The following SLC4A7 variants were observed in gnomAD, a reference collection of about 807,000 sequenced individuals.
The protein encoded by SLC4A7 is sodium bicarbonate cotransporter 3.
SLC4A7 carries 51 observed loss-of-function variants against 137.6 expected under a neutral mutation model. The observed-to-expected ratio is 0.37, with a 90% CI of 0.30 to 0.47. The LOEUF is 0.47. SLC4A7 is among the 20% of genes least tolerant of loss of function. The pLI is 1.00. For synonymous variants in SLC4A7, 542 were observed against 518.6 expected, an observed-to-expected ratio of 1.05 and a Z score of -0.61; for missense variants, 1,247 against 1,525.4, an observed-to-expected ratio of 0.82 and a Z score of 3.04.
chr3:27,405,040 C>A, intron 13 of SLC4A7, 77 bp from the exon 14 acceptor site: 1 of 979,544 alleles, frequency 1.0e-6, no homozygotes, highest in Non-Finnish European at 1.4e-6. Flanking sequence ...ACATGTAAGA[C>A]ATCTGGAAAA....
At chr3:27,482,667 G>T (rs116954847) in intron 1 of SLC4A7, among the ~76,000 whole-genome samples, 1 of 152,268 alleles carries the variant, frequency 6.6e-6, no homozygotes, top group Non-Finnish European at 1.5e-5. Flanking sequence ...TGCTACTCCG[G>T]AGGCTGAGGC....
intron 3 of SLC4A7, among the ~76,000 whole-genome samples, chr3:27,444,734 GCTTTAA>G (rs1311669377): frequency 6.6e-6 from 1 of 151,934 alleles, no homozygotes; most frequent in Non-Finnish European, 1.5e-5. Flanking sequence ...TATGCTAGTT[GCTTTAA>G]CATTCTTATT....
intron 1 of SLC4A7, among the ~76,000 whole-genome samples, chr3:27,475,482 G>A (rs2059426423): frequency 6.6e-6 from 1 of 151,960 alleles, no homozygotes; most frequent in Non-Finnish European, 1.5e-5. Flanking sequence ...ACATGTACTT[G>A]TTACATCTAG....
chr3:27,476,945 T>G (rs566725690), intron 1 of SLC4A7, among the ~76,000 whole-genome samples: 6 of 152,348 alleles, frequency 3.9e-5, no homozygotes, highest in African/African-American at 1.4e-4. Context: ...AATTGAGAAT[T>G]TAGCAATGAA....
chr3:27,410,306 T>A (rs1435138851), intron 12 of SLC4A7, among the ~76,000 whole-genome samples: 1 of 152,250 alleles, frequency 6.6e-6, no homozygotes, highest in East Asian at 1.9e-4. Flanking sequence ...TTATCTACAG[T>A]GTCTAGAACA....
intron 5 of SLC4A7, among the ~76,000 whole-genome samples, chr3:27,435,669 G>A (rs77619481): frequency 8.5e-5 from 13 of 152,184 alleles, no homozygotes; most frequent in African/African-American, 1.4e-4. Context: ...GCGAAAACCC[G>A]TCTCTACAAA....
At chr3:27,401,081 G>A (rs966395631) in intron 15 of SLC4A7, 9 of 377,946 alleles carry the variant, frequency 2.4e-5, no homozygotes, top group East Asian at 8.9e-5. Flanking sequence ...ATATCAAAAC[G>A]TTTAGTTAAT....
intron 24 of SLC4A7, among the ~76,000 whole-genome samples, chr3:27,381,878 G>T (rs961691649): frequency 5.3e-5 from 8 of 152,110 alleles, no homozygotes; most frequent in Admixed American, 3.9e-4. Flanking sequence ...CTGAGGGCAG[G>T]AGTTTGAGAT....
At chr3:27,415,416 C>A (rs1234510037) in intron 11 of SLC4A7, among the ~76,000 whole-genome samples, 1 of 152,202 alleles carries the variant, frequency 6.6e-6, no homozygotes, top group African/African-American at 2.4e-5. Context: ...GTAGTCAAGA[C>A]CATAAATTGG....
chr3:27,475,684 A>G (rs2059434800), intron 1 of SLC4A7, among the ~76,000 whole-genome samples: 1 of 152,248 alleles, frequency 6.6e-6, no homozygotes, highest in Non-Finnish European at 1.5e-5. Flanking sequence ...AAACAGGCTT[A>G]TAACAAAATC....
intron 3 of SLC4A7, among the ~76,000 whole-genome samples, chr3:27,439,458 A>G (rs1014347928): frequency 1.3e-5 from 2 of 152,220 alleles, no homozygotes; most frequent in Non-Finnish European, 2.9e-5. Flanking sequence ...TCCAGCATTT[A>G]GGTCTTGCAC....
intron 10 of SLC4A7, among the ~76,000 whole-genome samples, chr3:27,418,905 T>C (rs2054656225): frequency 6.6e-6 from 1 of 152,174 alleles, no homozygotes; most frequent in Non-Finnish European, 1.5e-5. Context: ...TGGGAAATAG[T>C]AATTGATTAG....
At chr3:27,393,430 A>C (rs1399994142) in intron 20 of SLC4A7, among the ~76,000 whole-genome samples, 1 of 152,206 alleles carries the variant, frequency 6.6e-6, no homozygotes, top group Admixed American at 6.5e-5. Flanking sequence ...AATATGCAAG[A>C]ACTCTCAATA....
At chr3:27,410,922 T>A (rs1015684226) in intron 12 of SLC4A7, among the ~76,000 whole-genome samples, 4 of 152,174 alleles carry the variant, frequency 2.6e-5, no homozygotes, top group Non-Finnish European at 5.9e-5. Flanking sequence ...TCAAAATCCC[T>A]AAGATTGTAT....
chr3:27,404,611 A>T (rs1477256178), intron 14 of SLC4A7, among the ~76,000 whole-genome samples: 1 of 152,222 alleles, frequency 6.6e-6, no homozygotes, highest in Non-Finnish European at 1.5e-5. Context: ...ATTCAAATCC[A>T]CTGATTTTAT....
intron 1 of SLC4A7, chr3:27,462,510 C>T (rs1371716830): frequency 6.6e-6 from 1 of 152,264 alleles, no homozygotes; most frequent in East Asian, 1.9e-4. Context: ...TGGAAAGAAC[C>T]AGAGGTGGAG....
At chr3:27,398,490 A>C in intron 16 of SLC4A7, 137 bp from the exon 17 acceptor site, 1 of 643,174 alleles carries the variant, frequency 1.6e-6, no homozygotes. Context: ...AAGAAAAAAC[A>C]TTGTCCAGCC....
intron 15 of SLC4A7, among the ~76,000 whole-genome samples, chr3:27,402,218 C>T (rs540720964): frequency 1.3e-5 from 2 of 152,308 alleles, no homozygotes; most frequent in East Asian, 3.9e-4. Context: ...AAGGCATCTA[C>T]TTAAATATGT....
intron 7 of SLC4A7, chr3:27,428,242 T>C (rs576895029): frequency 6.5e-6 from 1 of 154,520 alleles, no homozygotes; most frequent in South Asian, 2.0e-4. Context: ...TGAAATACTC[T>C]AGTATAGATT....
Sources: gnomAD v4.1 joint callset for allele counts (sites outside exome capture counted in the v4.1 genomes callset) on GRCh38, gnomAD v4.1.1 for gene constraint, MANE v1.5 for transcripts, NCBI Gene and HGNC (gene_info 2026-07-23, HGNC 2026-07-21) for gene names.